The following DCAF1 variants were observed in gnomAD, a reference collection of about 807,000 sequenced individuals.
DCAF1 encodes the protein DDB1 and CUL4 associated factor 1.
A neutral mutation model predicts 128.0 loss-of-function variants in DCAF1; 15 were observed. The ratio of observed to expected loss-of-function variants is 0.12; its 90% CI spans 0.08 to 0.18. The LOEUF is 0.18. DCAF1 is among the 10% of genes least tolerant of loss of function. The pLI, the probability that DCAF1 is intolerant of heterozygous loss-of-function variation, is 1.00. For synonymous variants in DCAF1, 610 were observed against 603.0 expected, an observed-to-expected ratio of 1.01 and a Z score of -0.17; for missense variants, 988 against 1,649.5, an observed-to-expected ratio of 0.60 and a Z score of 6.95.
intron 6 of DCAF1, among the ~76,000 whole-genome samples, chr3:51,444,551 T>A (rs1009704397): frequency 8.6e-5 from 13 of 151,284 alleles, no homozygotes; most frequent in African/African-American, 3.2e-4. Context: ...GGGGTTTCGC[T>A]ATGTTGGCCA....
At position 51,427,515 on chromosome 3, in the gene DCAF1, A is replaced by G. The variant is rs1700006043; in HGVS notation, c.1704T>C (p.Ile568=). Residue 568 remains isoleucine, a synonymous_variant, in exon 13 of 25, where the codon ATT becomes ATC. Coordinates refer to ENST00000684031, the MANE Select transcript of DCAF1 (RefSeq NM_001387579.1). The part of the protein sequence containing the change: ...YKACSYTHEQ[I]VEMMEFLIEY... ...CTATCAAAAATTCCATCATTTCCACAATCTGTTCATGAGTATATGAGCATG... is the reference window on the plus strand; with the variant it reads ...CTATCAAAAATTCCATCATTTCCACGATCTGTTCATGAGTATATGAGCATG... 2.6e-6 allele frequency: 2 copies of G among 768,180 alleles called. No individual in the cohort carries two copies. Among genetic ancestry groups the G allele is most frequent in the Non-Finnish European group, 4.9e-6 (2 of 411,718 alleles). The allele number at this position is 768,180 out of a possible 1,614,324, so 47.6% of individuals were successfully genotyped here.
intron 6 of DCAF1, among the ~76,000 whole-genome samples, chr3:51,453,494 T>C (rs1457167389): frequency 6.6e-6 from 1 of 151,514 alleles, no homozygotes; most frequent in African/African-American, 2.4e-5. Flanking sequence ...TAGCTGGGCA[T>C]GGTGGCACTT....
intron 6 of DCAF1, among the ~76,000 whole-genome samples, chr3:51,444,762 G>C (rs1701683873): frequency 6.6e-6 from 1 of 152,042 alleles, no homozygotes; most frequent in Admixed American, 6.6e-5. Context: ...TACAAGCTCT[G>C]CCTCTTGGGT....
At chr3:51,482,997 G>A (rs1264567462) in intron 3 of DCAF1, among the ~76,000 whole-genome samples, 5 of 150,634 alleles carry the variant, frequency 3.3e-5, no homozygotes, top group African/African-American at 9.8e-5. Flanking sequence ...AAATTAGCTG[G>A]GCGTGGTGAC....
intron 3 of DCAF1, among the ~76,000 whole-genome samples, chr3:51,479,527 G>A (rs1553651984): frequency 6.6e-6 from 1 of 151,738 alleles, no homozygotes. Context: ...GGTGGCTCAC[G>A]CCTGTAATCT....
intron 24 of DCAF1, among the ~76,000 whole-genome samples, chr3:51,399,299 C>T (rs1553624222): frequency 6.6e-6 from 1 of 152,228 alleles, no homozygotes; most frequent in Non-Finnish European, 1.5e-5. Context: ...TTTTCTGAAA[C>T]ACCTTAGTCA....
rs71633071 is a variant in DCAF1 at position 51,437,266 on chromosome 3, C to CAAAAAAA, written c.1128+3697_1128+3703dup. On this transcript the variant is annotated intron_variant, in intron 9 of 24. Transcript: ENST00000684031. ...CCAGGTGACAGATAAGACTCCATGT[C>CAAAAAAA]AAAAAAAAAAAAAAAAAAAAAAAAG... The CAAAAAAA allele has an allele frequency of 7.3e-4, 188 of 256,426 alleles. 2 individuals are homozygous for CAAAAAAA. The highest frequency in any genetic ancestry group is 1.7e-3 in the African/African-American group (35 of 20,900). The allele number at this position is 256,426 out of a possible 1,614,324, so 15.9% of individuals were successfully genotyped here.
intron 6 of DCAF1, among the ~76,000 whole-genome samples, chr3:51,453,575 T>C (rs1455936714): frequency 6.6e-6 from 1 of 152,026 alleles, no homozygotes. Flanking sequence ...AAGGCTGCAG[T>C]GAGCTTTTCT....
At position 51,398,789 on chromosome 3, in the gene DCAF1, T is replaced by G. The variant is rs1553624002; in HGVS notation, c.4504A>C (p.Ile1502Leu). The change falls in exon 25 of 25, where the codon ATC (isoleucine) becomes CTC (leucine). Residue 1502 changes from isoleucine to leucine, a missense_variant. Ile to Leu is a conservative substitution (Grantham distance 5). This residue lies in a region of DCAF1 where 97 missense variants were observed against 134.5 expected (regional missense o/e 0.72). Transcript: ENST00000684031. ...GCTCCTCACTCATTCAGAGATAAGA[T>G]GATGTCATCTTCCAAATCAGAGTTG... ...SDNSDLEDDI[I>L]LSLNE is the part of the protein sequence containing the mutation. 1 of 1,591,152 alleles carries G rather than the reference T, an allele frequency of 6.3e-7. No individual in the cohort carries two copies. Among genetic ancestry groups the G allele is most frequent in the Non-Finnish European group, 8.6e-7 (1 of 1,168,240 alleles).
In DCAF1 at chr3:51,418,686, G is replaced by C; in HGVS notation, c.3427C>G (p.Pro1143Ala). Residue 1143 changes from proline (P) to alanine (A), a missense_variant, in exon 16 of 25, where the codon CCT becomes GCT. By Grantham distance (27) the Pro-to-Ala change is conservative. This residue lies in a region of DCAF1 where 105 missense variants were observed against 266.7 expected (regional missense o/e 0.39). Transcript: ENST00000684031. ...CHNSAITHLE[P>A]SRDGSLLLTS... ...TAGGAAGGAACCCTTACCCTGGAAG[G>C]TTCAAGATGTGTGATGGCTGAGTTG... 1 of 1,612,528 alleles carries C rather than the reference G, an allele frequency of 6.2e-7. No homozygotes were observed. Among genetic ancestry groups the C allele is most frequent in the Non-Finnish European group, 8.5e-7 (1 of 1,179,376 alleles).
intron 2 of DCAF1, among the ~76,000 whole-genome samples, chr3:51,496,171 A>G (rs1577342632): frequency 6.6e-6 from 1 of 152,194 alleles, no homozygotes; most frequent in South Asian, 2.1e-4. Flanking sequence ...TCACGCCTGT[A>G]ATCCCAGCAC....
At chr3:51,431,469 G>A (rs1014296979) in intron 10 of DCAF1, among the ~76,000 whole-genome samples, 6 of 147,138 alleles carry the variant, frequency 4.1e-5, no homozygotes, top group African/African-American at 1.3e-4. Flanking sequence ...GCAGTGAGCT[G>A]AGATCCCGCC....
At chr3:51,483,054 GC>G in intron 3 of DCAF1, among the ~76,000 whole-genome samples, 1 of 146,432 alleles carries the variant, frequency 6.8e-6, no homozygotes, top group Non-Finnish European at 1.5e-5. Context: ...CAGGAGAATT[GC>G]TTGAACCCAG....
chr3:51,494,463 A>C (rs542762322), intron 2 of DCAF1, among the ~76,000 whole-genome samples: 3 of 152,230 alleles, frequency 2.0e-5, no homozygotes, highest in South Asian at 2.1e-4. Context: ...GAAAGAGATA[A>C]TGGTTGCACA....
intron 23 of DCAF1, among the ~76,000 whole-genome samples, chr3:51,406,433 TG>T (rs2090118828): frequency 6.6e-6 from 1 of 151,632 alleles, no homozygotes; most frequent in Admixed American, 6.6e-5. Flanking sequence ...CCAGGGATAT[TG>T]TTTTTTTTTT....
At chr3:51,472,256 G>A (rs1365218473) in intron 3 of DCAF1, among the ~76,000 whole-genome samples, 1 of 152,012 alleles carries the variant, frequency 6.6e-6, no homozygotes, top group South Asian at 2.1e-4. Flanking sequence ...CCTGTTTCAG[G>A]GTTACAGTGC....
intron 9 of DCAF1, among the ~76,000 whole-genome samples, chr3:51,440,584 C>G (rs1297448612): frequency 6.6e-6 from 1 of 152,134 alleles, no homozygotes; most frequent in Non-Finnish European, 1.5e-5. Flanking sequence ...GCCTGGGTGA[C>G]AGAGTGAGAC....
chr3:51,451,066 A>ACTCTTTTTTT (rs1553641391), intron 6 of DCAF1, among the ~76,000 whole-genome samples: 3 of 32,828 alleles, frequency 9.1e-5, no homozygotes, highest in Non-Finnish European at 2.0e-4. Context: ...TAAAAAGGAA[A>ACTCTTTTTTT]TTCTTTTTTT....
chr3:51,412,109 TAAAAAAA>T (rs782087400), intron 23 of DCAF1, among the ~76,000 whole-genome samples: 1 of 29,460 alleles, frequency 3.4e-5, no homozygotes, highest in Non-Finnish European at 6.8e-5. Context: ...AACTCCATTC[TAAAAAAA>T]AAAAAAAAAA....
Sources: allele counts gnomAD v4.1 joint callset (sites outside exome capture counted in the v4.1 genomes callset), GRCh38; gene constraint gnomAD v4.1.1; regional missense constraint gnomAD v4.1.1; transcripts MANE v1.5; gene names NCBI Gene and HGNC (gene_info 2026-07-23, HGNC 2026-07-21).